The following RAB10 variants were observed in gnomAD, a reference collection of about 807,000 sequenced individuals.
RAB10 encodes RAB10, member RAS oncogene family.
A neutral mutation model predicts 25.7 loss-of-function variants in RAB10; 5 were observed. That is an observed-to-expected ratio of 0.19 (90% confidence interval 0.10 to 0.41). The LOEUF is 0.41. Among genes scored for constraint, RAB10 ranks in the 10% least tolerant of loss-of-function variants. The probability of loss-of-function intolerance (pLI) is 1.00; values close to 1 mark genes in which losing one functional copy is unlikely to be tolerated. For synonymous variants in RAB10, 89 were observed against 86.4 expected (o/e 1.03, Z -0.16); for missense variants, 103 against 245.8 (o/e 0.42, Z 3.89).
At chr2:26,094,514 C>A (rs751643221) in intron 1 of RAB10, among the ~76,000 whole-genome samples, 2 of 151,958 alleles carry the variant, frequency 1.3e-5, no homozygotes, top group African/African-American at 4.8e-5. Context: ...AGCCTCTGAA[C>A]GTGCTGGGAT....
intron 1 of RAB10, among the ~76,000 whole-genome samples, chr2:26,084,325 A>G (rs1337579154): frequency 1.3e-5 from 2 of 152,204 alleles, no homozygotes; most frequent in African/African-American, 2.4e-5. Context: ...AGTTCCCCCA[A>G]CAGAAGGACT....
At chr2:26,104,865 G>A (rs537302533) in intron 2 of RAB10, among the ~76,000 whole-genome samples, 16 of 151,640 alleles carry the variant, frequency 1.1e-4, no homozygotes, top group Non-Finnish European at 1.2e-4. Flanking sequence ...AGCCTCCTGA[G>A]TAGCTGGGAC....
intron 1 of RAB10, among the ~76,000 whole-genome samples, chr2:26,067,729 G>C (rs1254843656): frequency 6.6e-6 from 1 of 152,240 alleles, no homozygotes; most frequent in Non-Finnish European, 1.5e-5. Flanking sequence ...TGTGATAGCT[G>C]TTTACAATGC....
At chr2:26,034,846 C>T (rs1665728882) in intron 1 of RAB10, 111 bp downstream of exon 1, 2 of 1,423,000 alleles carry the variant, frequency 1.4e-6, no homozygotes, top group Non-Finnish European at 1.9e-6. Flanking sequence ...ATTCCGATTC[C>T]AAACGACACA....
intron 1 of RAB10, among the ~76,000 whole-genome samples, chr2:26,034,940 TCCCAC>T (rs1665731946): frequency 6.6e-6 from 1 of 152,206 alleles, no homozygotes; most frequent in Non-Finnish European, 1.5e-5. Flanking sequence ...CTTTCGAGTC[TCCCAC>T]TATGCTCAGT....
chr2:26,104,078 T>C (rs1225664330), intron 2 of RAB10, among the ~76,000 whole-genome samples: 1 of 152,198 alleles, frequency 6.6e-6, no homozygotes, highest in Non-Finnish European at 1.5e-5. Flanking sequence ...GACGTACAAG[T>C]TTTCATTTCT....
chr2:26,136,086 A>C lies in RAB10; in HGVS notation c.*1065A>C, dbSNP rs1668107542. On this transcript the variant is annotated 3_prime_UTR_variant, in exon 6 of 6. Transcript: ENST00000264710. ...TTCCTGTCTATCCATTGAGTTTATG[A>C]AATGGAAGAGTTAACTGCATGCACT... 1 of 152,616 alleles carries C rather than the reference A, an allele frequency of 6.6e-6. No individual in the cohort carries two copies. Among genetic ancestry groups the C allele is most frequent in the East Asian group, 1.9e-4 (1 of 5,196 alleles). 9.5% of individuals were successfully genotyped at this position (152,616 alleles called of 1,614,324 possible). A position where few individuals can be genotyped will look rare whatever the true frequency, so the allele number is the denominator to read the frequency against.
At chr2:26,043,563 A>T in intron 1 of RAB10, among the ~76,000 whole-genome samples, 1 of 152,248 alleles carries the variant, frequency 6.6e-6, no homozygotes, top group East Asian at 1.9e-4. Flanking sequence ...TGGTATACAC[A>T]TAGAATGGAA....
Position 26,109,774 on chromosome 2 carries a change from A to G in RAB10, c.195A>G (p.Thr65=). Residue 65 remains threonine, a synonymous_variant, in exon 3 of 6, where the codon ACA becomes ACG. Transcript: ENST00000264710. Reference sequence around the variant, plus strand: ...TATTGGCTGTTTATTTCAGGGATACAGCAGGCCAGGAGCGATTTCACACCA... The same window carrying G: ...TATTGGCTGTTTATTTCAGGGATACGGCAGGCCAGGAGCGATTTCACACCA... ...GKKIKLQIWD[T]AGQERFHTIT... The G allele has an allele frequency of 6.3e-7, 1 of 1,584,608 alleles. No homozygotes were observed. The highest frequency in any genetic ancestry group is 1.2e-5 in the South Asian group (1 of 85,180).
intron 5 of RAB10, among the ~76,000 whole-genome samples, chr2:26,131,951 T>C (rs546093983): frequency 6.6e-5 from 10 of 152,264 alleles, no homozygotes; most frequent in Non-Finnish European, 1.5e-4. Flanking sequence ...ACATTAACTG[T>C]GTGTGTAGTA....
At chr2:26,069,882 T>G (rs1470948862) in intron 1 of RAB10, among the ~76,000 whole-genome samples, 2 of 151,934 alleles carry the variant, frequency 1.3e-5, no homozygotes, top group Non-Finnish European at 2.9e-5. Flanking sequence ...ATTTTTGTGT[T>G]TTTAATAGAG....
intron 5 of RAB10, among the ~76,000 whole-genome samples, chr2:26,128,564 C>T (rs1321809254): frequency 6.6e-6 from 1 of 151,998 alleles, no homozygotes; most frequent in Non-Finnish European, 1.5e-5. Flanking sequence ...CTCTTGGACT[C>T]ATTTCGCTTA....
chr2:26,062,451 G>A (rs991172044), intron 1 of RAB10, among the ~76,000 whole-genome samples: 6 of 152,144 alleles, frequency 3.9e-5, no homozygotes, highest in African/African-American at 7.2e-5. Flanking sequence ...ACTGAGGCAG[G>A]CAGATCATTT....
chr2:26,046,329 G>GA (rs112698830), intron 1 of RAB10, among the ~76,000 whole-genome samples: 107 of 121,036 alleles, frequency 8.8e-4, no homozygotes, highest in Non-Finnish European at 9.6e-4. Context: ...CCGTCTCAAA[G>GA]AAAAAAAAAA....
At chr2:26,107,017 G>A (rs1348909147) in intron 2 of RAB10, among the ~76,000 whole-genome samples, 9 of 152,004 alleles carry the variant, frequency 5.9e-5, no homozygotes, top group African/African-American at 1.9e-4. Flanking sequence ...AAGCTGAGGC[G>A]GGCAGATCAT....
chr2:26,084,959 T>A (rs914733684), intron 1 of RAB10, among the ~76,000 whole-genome samples: 1 of 152,218 alleles, frequency 6.6e-6, no homozygotes, highest in Admixed American at 6.5e-5. Context: ...TATTGCATTG[T>A]ACTAGAAATG....
chr2:26,048,027 G>A (rs564836473), intron 1 of RAB10, among the ~76,000 whole-genome samples: 7 of 151,522 alleles, frequency 4.6e-5, no homozygotes, highest in Non-Finnish European at 1.0e-4. Context: ...CCACCGTGCC[G>A]GGCCCATTAG....
intron 1 of RAB10, among the ~76,000 whole-genome samples, chr2:26,057,138 G>A (rs1320744776): frequency 1.3e-5 from 2 of 152,212 alleles, no homozygotes; most frequent in African/African-American, 4.8e-5. Context: ...GTGCTTGTAG[G>A]ATATCTAAGT....
At chr2:26,095,466 G>T (rs1401025577) in intron 1 of RAB10, among the ~76,000 whole-genome samples, 2 of 152,298 alleles carry the variant, frequency 1.3e-5, no homozygotes, top group East Asian at 3.9e-4. Flanking sequence ...AATTAGCCAG[G>T]CATGGTGGCG....
Sources: gnomAD v4.1 joint callset for allele counts (sites outside exome capture counted in the v4.1 genomes callset) on GRCh38, gnomAD v4.1.1 for gene constraint, MANE v1.5 for transcripts, NCBI Gene and HGNC (gene_info 2026-07-23, HGNC 2026-07-21) for gene names.